Variants in KMT2A observed in about 807,000 individuals in gnomAD.
KMT2A encodes histone-lysine N-methyltransferase 2A.
Under a neutral mutation model 345.3 loss-of-function variants are expected in KMT2A, and 16 were observed. That is an observed-to-expected ratio of 0.05 (90% CI 0.03 to 0.07). The LOEUF (loss-of-function observed/expected upper bound fraction) is 0.07, where lower values mean the gene tolerates loss of function less well. Among genes scored for constraint, KMT2A ranks in the 10% least tolerant of loss-of-function variants. The probability of loss-of-function intolerance (pLI) is 1.00; values close to 1 mark genes in which losing one functional copy is unlikely to be tolerated. For synonymous variants in KMT2A, 1,599 were observed against 1,778.6 expected (o/e 0.90, Z 2.54); for missense variants, 3,272 against 4,841.6 (o/e 0.68, Z 9.62).
chr11:118,520,509 G>A lies in KMT2A; in HGVS notation c.11430-293G>A, dbSNP rs922708253. 17 of 379,748 alleles carry A rather than the reference G, an allele frequency of 4.5e-5. No individual in the cohort carries two copies. Among genetic ancestry groups the A allele is most frequent in the Admixed American group, 4.0e-4 (10 of 25,156 alleles). The allele number at this position is 379,748 out of a possible 1,614,324, so 23.5% of individuals were successfully genotyped here. A position where few individuals can be genotyped will look rare whatever the true frequency, so the allele number is the denominator to read the frequency against. Reference sequence around the variant, plus strand: ...CTACTAAAAATACAAAAATTAGCCCGGCGTGGTGGCGCGCGCCTGTAGTCC... The same window carrying A: ...CTACTAAAAATACAAAAATTAGCCCAGCGTGGTGGCGCGCGCCTGTAGTCC... On this transcript the variant is annotated intron_variant, in intron 33 of 35. Coordinates refer to ENST00000534358, the MANE Select transcript of KMT2A (RefSeq NM_001197104.2). This position sits in a 1 kb window ranked among gnomAD's most constrained non-coding sequence, Gnocchi z 4.3.
intron 10 of KMT2A, among the ~76,000 whole-genome samples, chr11:118,486,881 C>A (rs1555041045): frequency 6.6e-6 from 1 of 151,986 alleles, no homozygotes; most frequent in Non-Finnish European, 1.5e-5. Context: ...AAGCAAGACC[C>A]TGTCTCAAAA....
chr11:118,509,391 A>G (rs1555049490), intron 29 of KMT2A, among the ~76,000 whole-genome samples, 191 bp downstream of exon 29: 9 of 152,130 alleles, frequency 5.9e-5, no homozygotes, highest in Non-Finnish European at 1.3e-4. Flanking sequence ...CTTCCAGTAC[A>G]TATTGTGTGA....
chr11:118,454,960 C>T (rs1372442011), intron 1 of KMT2A, among the ~76,000 whole-genome samples: 1 of 152,036 alleles, frequency 6.6e-6, no homozygotes, highest in Non-Finnish European at 1.5e-5. Flanking sequence ...TTCCTGTCTA[C>T]CCTAGCGAAT....
At chr11:118,508,614 A>T (rs2134424072) in intron 28 of KMT2A, among the ~76,000 whole-genome samples, 1 of 152,018 alleles carries the variant, frequency 6.6e-6, no homozygotes, top group East Asian at 1.9e-4. Context: ...GCACATCCAC[A>T]GTCCAAGCTA....
At position 118,493,303 on chromosome 11, in the gene KMT2A, T is replaced by G; in HGVS notation, c.5178+73T>G. 8.3e-7 allele frequency: 1 copy of G among 1,204,186 alleles called. No homozygotes were observed. Among genetic ancestry groups the G allele is most frequent in the Non-Finnish European group, 1.2e-6 (1 of 843,808 alleles). 74.6% of individuals were successfully genotyped at this position (1,204,186 alleles called of 1,614,324 possible). A position where few individuals can be genotyped will look rare whatever the true frequency, so the allele number is the denominator to read the frequency against. On this transcript the variant is annotated intron_variant, in intron 16 of 35. Transcript: ENST00000534358. This position sits in a 1 kb window ranked among gnomAD's most constrained non-coding sequence, Gnocchi z 5.8. The stretch of plus-strand genomic sequence containing the variant: ...TCTTTGGACCTTTGGGGCATGAAAC[T>G]GAGTATAAGTAAATTTAAAAATGAA...
Position 118,494,787 on chromosome 11 carries a change from CT to C in KMT2A, c.5363+28del, listed in dbSNP as rs1235328142. ...AAGCAAGTAAGTGAATTTAGCATAA[CT>C]TTTTTTTCTCCTCATCGGCTAGAAA... On this transcript the variant is annotated intron_variant, in intron 18 of 35. Coordinates refer to ENST00000534358, the MANE Select transcript of KMT2A (RefSeq NM_001197104.2). The surrounding 1 kb of genome is among the most constrained non-coding windows in gnomAD (Gnocchi z 5.8). The C allele has an allele frequency of 1.4e-5, 22 of 1,590,536 alleles. No homozygotes were observed. Among genetic ancestry groups the C allele is most frequent in the Admixed American group, 3.4e-5 (2 of 59,558 alleles).
chr11:118,517,502 G>A (rs1452129547), intron 31 of KMT2A, among the ~76,000 whole-genome samples: 1 of 151,816 alleles, frequency 6.6e-6, no homozygotes, highest in Admixed American at 6.6e-5. Context: ...ACATACCTAA[G>A]CCAAATTCTT....
rs782362678 is a variant in KMT2A, at chr11:118,498,357, T to C, written c.5803-13T>C. On this transcript the variant is annotated splice_polypyrimidine_tract_variant and intron_variant, in intron 21 of 35. Transcript: ENST00000534358. This position sits in a 1 kb window ranked among gnomAD's most constrained non-coding sequence, Gnocchi z 4.4. ...AAAGTCTGAATAGGACTCTGTTCTT[T>C]TTGGATTTTTAGAGATGTGAATTCT... 100 of 1,604,792 alleles carry C rather than the reference T, an allele frequency of 6.2e-5. No homozygotes were observed. Among genetic ancestry groups the C allele is most frequent in the Non-Finnish European group, 8.2e-5 (97 of 1,177,032 alleles).
Position 118,498,581 on chromosome 11 carries a change from G to GT in KMT2A, c.5961+57dup. ...AAAAAAAAAAGACTTTTTTAGAGCA[G>GT]TTTTAGGTTCACAGCAAAATTGACT... On this transcript the variant is annotated intron_variant, in intron 22 of 35. Transcript: ENST00000534358. The surrounding 1 kb of genome is among the most constrained non-coding windows in gnomAD (Gnocchi z 4.4). The GT allele has an allele frequency of 1.3e-6, 2 of 1,528,938 alleles. No homozygotes were observed. The highest frequency in any genetic ancestry group is 1.7e-6 in the Non-Finnish European group (2 of 1,142,974). The allele number at this position is 1,528,938 out of a possible 1,614,324, so 94.7% of individuals were successfully genotyped here. A position where few individuals can be genotyped will look rare whatever the true frequency, so the allele number is the denominator to read the frequency against.
chr11:118,442,199 G>A (rs1174637273), intron 1 of KMT2A, among the ~76,000 whole-genome samples: 2 of 152,152 alleles, frequency 1.3e-5, no homozygotes, highest in Non-Finnish European at 2.9e-5. Flanking sequence ...TTCTTCCTCT[G>A]CCAAGGTGGA....
At position 118,503,582 on chromosome 11, in the gene KMT2A, G is replaced by C. The variant is rs782387384; in HGVS notation, c.7690G>C (p.Ala2564Pro). 2.5e-6 allele frequency: 4 copies of C among 1,614,130 alleles called. No individual in the cohort carries two copies. The Admixed American group carries it at 6.7e-5, about 27-fold the overall frequency. ...AACATCTCCCACAGAACCAATTTCA[G>C]CCTCTGAAAATCCAGGAGATGGTCC... ...ESTSPTEPIS[A>P]SENPGDGPVA... The change falls in exon 27 of 36, where the codon GCC becomes CCC. Residue 2564 changes from alanine (A) to proline (P), a missense_variant. Transcript: ENST00000534358. This position sits in a 1 kb window ranked among gnomAD's most constrained non-coding sequence, Gnocchi z 5.3.
At chr11:118,482,752 C>CAA (rs59972810) in intron 8 of KMT2A, among the ~76,000 whole-genome samples, 1 of 115,382 alleles carries the variant, frequency 8.7e-6, no homozygotes. Context: ...TTTATTTAAA[C>CAA]AAAAAAAAAA....
chr11:118,520,122 C>A lies in KMT2A; in HGVS notation c.11429+58C>A. The A allele has an allele frequency of 9.1e-7, 1 of 1,099,110 alleles. No individual in the cohort carries two copies. Among genetic ancestry groups the A allele is most frequent in the African/African-American group, 1.6e-5 (1 of 64,102 alleles). The allele number at this position is 1,099,110 out of a possible 1,614,324, so 68.1% of individuals were successfully genotyped here. A position where few individuals can be genotyped will look rare whatever the true frequency, so the allele number is the denominator to read the frequency against. The stretch of plus-strand genomic sequence containing the variant: ...CTGCTTTCCCTCTCCTCCAGCTGGT[C>A]AGGGCACTACGTAGGAATTTGTTTG... On this transcript the variant is annotated intron_variant, in intron 33 of 35. Coordinates refer to ENST00000534358, the MANE Select transcript of KMT2A (RefSeq NM_001197104.2). This position sits in a 1 kb window ranked among gnomAD's most constrained non-coding sequence, Gnocchi z 4.3.
chr11:118,483,014 C>T (rs1423619120), intron 8 of KMT2A, among the ~76,000 whole-genome samples: 3 of 151,050 alleles, frequency 2.0e-5, no homozygotes, highest in African/African-American at 7.3e-5. Flanking sequence ...AGGCAGATCA[C>T]TTGAGGTCAG....
At chr11:118,513,289 T>C (rs1279479580) in intron 31 of KMT2A, among the ~76,000 whole-genome samples, 1 of 151,982 alleles carries the variant, frequency 6.6e-6, no homozygotes, top group Non-Finnish European at 1.5e-5. Flanking sequence ...TAAGCTAAGG[T>C]AGAAACCTTC....
chr11:118,439,158 C>CAAAAAAAAAAAAGAAAA, intron 1 of KMT2A: 2 of 265,450 alleles, frequency 7.5e-6, no homozygotes, highest in Admixed American at 1.1e-4. Context: ...GATACAGCAG[C>CAAAAAAAAAAAAGAAAA]AAAAAAAAAA....
intron 1 of KMT2A, chr11:118,450,448 G>A (rs190327077): frequency 6.6e-6 from 1 of 152,186 alleles, no homozygotes; most frequent in Non-Finnish European, 1.5e-5. Context: ...ATGGAGTGGG[G>A]ATGAGGGGTA....
intron 12 of KMT2A, 49 bp downstream of exon 12, chr11:118,489,936 T>C (rs782426604): frequency 2.4e-5 from 37 of 1,532,186 alleles, no homozygotes; most frequent in Non-Finnish European, 3.3e-5. Context: ...CATGTGACTA[T>C]TGGACTTATG....
At chr11:118,501,403 A>G (rs977598448) in intron 25 of KMT2A, among the ~76,000 whole-genome samples, 3 of 152,016 alleles carry the variant, frequency 2.0e-5, no homozygotes, top group Non-Finnish European at 2.9e-5. Flanking sequence ...AGGGAGGCAG[A>G]TGTTGCAGTC....
Sources: allele counts gnomAD v4.1 joint callset (sites outside exome capture counted in the v4.1 genomes callset), GRCh38; gene constraint gnomAD v4.1.1; non-coding constraint Gnocchi (gnomAD v3.1); transcripts MANE v1.5; gene names NCBI Gene and HGNC (gene_info 2026-07-23, HGNC 2026-07-21).